PDE9A: variants seen among roughly 807,000 people sequenced by gnomAD.
PDE9A encodes the protein high affinity cGMP-specific 3',5'-cyclic phosphodiesterase 9A.
In PDE9A, 60 loss-of-function variants were observed where a neutral mutation model predicts 87.4. That is an observed-to-expected ratio of 0.69 (90% confidence interval 0.56 to 0.85). The LOEUF is 0.85. Ranked by LOEUF, PDE9A falls within the 40% of genes least tolerant of loss-of-function variation. The pLI is 0.00. For missense variants in PDE9A, 665 were observed against 779.0 expected (o/e 0.85, Z 1.74); for synonymous variants, 272 against 279.4 (o/e 0.97, Z 0.27).
At chr21:42,754,423 G>A (rs1252116797) in intron 10 of PDE9A, among the ~76,000 whole-genome samples, 3 of 152,196 alleles carry the variant, frequency 2.0e-5, no homozygotes, top group Non-Finnish European at 2.9e-5. Context: ...CCCCTGCCAG[G>A]AGCAAATCTC....
chr21:42,753,121 C>G (rs1209201178), intron 9 of PDE9A, among the ~76,000 whole-genome samples: 1 of 152,194 alleles, frequency 6.6e-6, no homozygotes, highest in Non-Finnish European at 1.5e-5. Flanking sequence ...ATTCTCCCAC[C>G]TCAGGCTCCC....
At chr21:42,711,594 T>G (rs2049350417) in intron 4 of PDE9A, among the ~76,000 whole-genome samples, 1 of 152,158 alleles carries the variant, frequency 6.6e-6, no homozygotes, top group Admixed American at 6.5e-5. Flanking sequence ...ATAATTTTTT[T>G]TATCCCAAGG....
intron 4 of PDE9A, among the ~76,000 whole-genome samples, chr21:42,714,219 G>C (rs1258648836): frequency 6.6e-6 from 1 of 151,928 alleles, no homozygotes; most frequent in Non-Finnish European, 1.5e-5. Context: ...GGGTTTCACT[G>C]CATTAGCCAG....
At chr21:42,670,425 T>C (rs111074256) in intron 1 of PDE9A, among the ~76,000 whole-genome samples, 14,752 of 96,078 alleles carry the variant, frequency 0.15, 883 homozygotes, top group African/African-American at 0.27. Context: ...CACACGCACT[T>C]ACAGTCACAC....
intron 1 of PDE9A, among the ~76,000 whole-genome samples, chr21:42,664,840 G>T (rs1260204996): frequency 6.6e-6 from 1 of 152,244 alleles, no homozygotes; most frequent in Non-Finnish European, 1.5e-5. Context: ...CCGCCCGCCT[G>T]CACTGTCACC....
chr21:42,738,376 A>C (rs903946585), intron 7 of PDE9A, among the ~76,000 whole-genome samples: 20 of 152,286 alleles, frequency 1.3e-4, no homozygotes, highest in Middle Eastern at 3.4e-3. Flanking sequence ...CATGTCTTTA[A>C]ACAGCTTTCA....
intron 9 of PDE9A, among the ~76,000 whole-genome samples, chr21:42,752,469 G>T (rs35341180): frequency 6.6e-6 from 1 of 151,846 alleles, no homozygotes; most frequent in Non-Finnish European, 1.5e-5. Flanking sequence ...GTGTTTCACC[G>T]TGTTGGCCAG....
In PDE9A at chr21:42,688,419, G is replaced by C. The variant is rs544608752; in HGVS notation, c.218+425G>C. On this transcript the variant is annotated intron_variant, in intron 3 of 19. Transcript: ENST00000291539. Reference sequence around the variant, plus strand: ...CTGTGTTCATAAAGTGATGCCTGTGGGAGATTCTAAGCACAGAAGGGCCAG... The same window carrying C: ...CTGTGTTCATAAAGTGATGCCTGTGCGAGATTCTAAGCACAGAAGGGCCAG... Among the ~76,000 whole-genome samples, 6 of 152,286 alleles carry C rather than the reference G, an allele frequency of 3.9e-5. No homozygotes were observed. In the East Asian group the frequency reaches 1.2e-3, roughly 29 times the overall value.
intron 18 of PDE9A, 108 bp downstream of exon 18, chr21:42,770,906 GC>G: frequency 3.8e-6 from 3 of 779,238 alleles, no homozygotes; most frequent in South Asian, 1.5e-5. Flanking sequence ...ACCACTGAAG[GC>G]CCCGTGGACA....
rs569269894 is a variant in PDE9A, at chr21:42,670,392, TCA to T, written c.70-15797_70-15796del. On this transcript the variant is annotated intron_variant, in intron 1 of 19. Coordinates refer to ENST00000291539, the MANE Select transcript of PDE9A (RefSeq NM_002606.3). ...CATTCACACACATTCACATTTACAT[TCA>T]CAAACATTCACACATACATTCACAC... 1.8e-3 allele frequency among the ~76,000 whole-genome samples: 168 copies of T among 94,926 alleles called. 1 individual carries two copies. The highest frequency in any genetic ancestry group is 0.016 in the African/African-American group (155 of 9,480). The allele number at this position is 94,926 out of a possible 152,430, so 62.3% of individuals were successfully genotyped here. A position where few individuals can be genotyped will look rare whatever the true frequency, so the allele number is the denominator to read the frequency against.
chr21:42,662,256 C>T (rs945236708), intron 1 of PDE9A, among the ~76,000 whole-genome samples: 1 of 152,066 alleles, frequency 6.6e-6, no homozygotes, highest in African/African-American at 2.4e-5. Flanking sequence ...GGTCCCTGTG[C>T]CTCCCACTAT....
chr21:42,765,939 C>T (rs1277909142), intron 15 of PDE9A, among the ~76,000 whole-genome samples: 3 of 152,288 alleles, frequency 2.0e-5, no homozygotes, highest in African/African-American at 7.2e-5. Context: ...ATAACCAGGA[C>T]AAGGTGGCCA....
chr21:42,775,422 T>TTA lies in PDE9A; in HGVS notation c.*129_*130insTA, dbSNP rs1454036541. Reference sequence around the variant, plus strand: ...GTTTTCTAAGAACCATTTTGTTCACTGATACAAAAAAAAAAAAAGGAATTC... The same window carrying TTA: ...GTTTTCTAAGAACCATTTTGTTCACTTAGATACAAAAAAAAAAAAAGGAATTC... On this transcript the variant is annotated 3_prime_UTR_variant, in exon 20 of 20. Transcript: ENST00000291539. 1.6e-6 allele frequency: 1 copy of TTA among 634,434 alleles called. No individual in the cohort carries two copies. The highest frequency in any genetic ancestry group is 1.9e-5 in the African/African-American group (1 of 51,970). The allele number at this position is 634,434 out of a possible 1,614,324, so 39.3% of individuals were successfully genotyped here. A position where few individuals can be genotyped will look rare whatever the true frequency, so the allele number is the denominator to read the frequency against.
At chr21:42,726,624 A>ATATTTTTTTTTTTTTTTTTT in intron 4 of PDE9A, among the ~76,000 whole-genome samples, 2 of 19,772 alleles carry the variant, frequency 1.0e-4, no homozygotes, top group African/African-American at 6.8e-4. Flanking sequence ...ATATATATAT[A>ATATTTTTTTTTTTTTTTTTT]TTTTTTTTTT....
intron 3 of PDE9A, 37 bp downstream of exon 3, chr21:42,688,031 G>A (rs1480926401): frequency 1.2e-5 from 19 of 1,524,684 alleles, no homozygotes; most frequent in Non-Finnish European, 1.7e-5. Flanking sequence ...GGGTGTGCCT[G>A]GCACTTCTCT....
chr21:42,684,333 G>A (rs1027313382), intron 1 of PDE9A, among the ~76,000 whole-genome samples: 1 of 152,182 alleles, frequency 6.6e-6, no homozygotes, highest in Non-Finnish European at 1.5e-5. Flanking sequence ...AAGGAAGTGA[G>A]TTACACAGGG....
At chr21:42,754,127 G>A in intron 10 of PDE9A, 63 bp downstream of exon 10, 1 of 918,814 alleles carries the variant, frequency 1.1e-6, no homozygotes, top group East Asian at 2.5e-5. Flanking sequence ...TTGGACGCCA[G>A]TGGGACCACC....
chr21:42,730,698 C>T (rs1305941132), intron 4 of PDE9A, among the ~76,000 whole-genome samples: 1 of 152,102 alleles, frequency 6.6e-6, no homozygotes, highest in Non-Finnish European at 1.5e-5. Flanking sequence ...TTTCTAATAG[C>T]AAAATATCAT....
chr21:42,746,342 A>G (rs541723011), intron 8 of PDE9A, among the ~76,000 whole-genome samples: 50 of 152,304 alleles, frequency 3.3e-4, no homozygotes, highest in African/African-American at 1.2e-3. Flanking sequence ...ATGTATTCCC[A>G]CATAGTTCTG....
Sources: gnomAD v4.1 joint callset for allele counts (sites outside exome capture counted in the v4.1 genomes callset) on GRCh38, gnomAD v4.1.1 for gene constraint, MANE v1.5 for transcripts, NCBI Gene and HGNC (gene_info 2026-07-23, HGNC 2026-07-21) for gene names.